Variants in RNLS observed in about 807,000 individuals in gnomAD.
The protein encoded by RNLS is renalase.
Under a neutral mutation model 39.8 loss-of-function variants are expected in RNLS, and 39 were observed. The ratio of observed to expected loss-of-function variants is 0.98; its 90% CI spans 0.76 to 1.28. The LOEUF is 1.28. Ranked by LOEUF, RNLS falls within the 50% of genes most tolerant of loss-of-function variation. The probability of loss-of-function intolerance (pLI) is 0.00; values close to 1 mark genes in which losing one functional copy is unlikely to be tolerated. For synonymous variants in RNLS, 147 were observed against 150.7 expected (o/e 0.98, Z 0.18); for missense variants, 410 against 413.3 (o/e 0.99, Z 0.07).
Position 88,285,121 on chromosome 10 carries a change from C to A in RNLS, c.*233G>T. 9.7e-7 allele frequency: 1 copy of A among 1,034,746 alleles called. No individual in the cohort carries two copies. The allele number at this position is 1,034,746 out of a possible 1,614,324, so 64.1% of individuals were successfully genotyped here. A position where few individuals can be genotyped will look rare whatever the true frequency, so the allele number is the denominator to read the frequency against. ...CACTTTTCCTCCAACAAGGAGTAGT[C>A]ATAGCAATTCAGAAAAGTAGGGAAG... On this transcript the variant is annotated 3_prime_UTR_variant, in exon 7 of 7. Transcript: ENST00000331772.
chr10:88,330,750 G>GCAA (rs1320317211), intron 5 of RNLS, among the ~76,000 whole-genome samples: 2 of 151,940 alleles, frequency 1.3e-5, no homozygotes, highest in Admixed American at 1.3e-4. Context: ...AATTAATTAT[G>GCAA]CAACATCCTT....
At chr10:88,297,155 C>T (rs1844150815) in intron 6 of RNLS, among the ~76,000 whole-genome samples, 1 of 152,116 alleles carries the variant, frequency 6.6e-6, no homozygotes, top group African/African-American at 2.4e-5. Context: ...TTGGGTAAAT[C>T]TCTAAGAGTG....
intron 6 of RNLS, among the ~76,000 whole-genome samples, chr10:88,303,937 C>A (rs1168925349): frequency 6.6e-6 from 1 of 152,190 alleles, no homozygotes; most frequent in Admixed American, 6.5e-5. Context: ...AGGCAAGCAC[C>A]CTGGCATCTG....
At chr10:88,409,425 A>G (rs1439831150) in intron 4 of RNLS, among the ~76,000 whole-genome samples, 4 of 152,146 alleles carry the variant, frequency 2.6e-5, no homozygotes, top group East Asian at 1.9e-4. Context: ...TATCACATAT[A>G]TGAATCATTA....
At chr10:88,204,991 G>A in the RNLS span, among the ~76,000 whole-genome samples, 2 of 152,134 alleles carry the variant, frequency 1.3e-5, no homozygotes, top group Admixed American at 6.6e-5. Context: ...TATCCAGTGC[G>A]GTAAGAAGAG....
chr10:88,521,091 C>T (rs1056356703), intron 4 of RNLS, among the ~76,000 whole-genome samples: 5 of 151,902 alleles, frequency 3.3e-5, no homozygotes, highest in South Asian at 2.1e-4. Flanking sequence ...ATCTATTTAC[C>T]TTGTCCCAAC....
intron 4 of RNLS, among the ~76,000 whole-genome samples, chr10:88,464,098 A>G (rs887514039): frequency 6.6e-6 from 1 of 152,052 alleles, no homozygotes; most frequent in Non-Finnish European, 1.5e-5. Context: ...CTTAATTTTC[A>G]AATAGCTATT....
the RNLS span, among the ~76,000 whole-genome samples, chr10:88,240,627 C>T: frequency 6.6e-6 from 1 of 152,096 alleles, no homozygotes; most frequent in South Asian, 2.1e-4. Context: ...CACATCCAAT[C>T]AATCACCAGC....
At chr10:88,497,831 G>A (rs1403404675) in intron 4 of RNLS, among the ~76,000 whole-genome samples, 2 of 151,900 alleles carry the variant, frequency 1.3e-5, no homozygotes, top group Admixed American at 1.3e-4. Flanking sequence ...AACAACACCT[G>A]GTCTCTGAAT....
chr10:88,324,166 G>A (rs1846391847), intron 5 of RNLS, among the ~76,000 whole-genome samples: 1 of 151,882 alleles, frequency 6.6e-6, no homozygotes, highest in African/African-American at 2.4e-5. Flanking sequence ...TACGGAAAAC[G>A]GTATGGAGAT....
the RNLS span, among the ~76,000 whole-genome samples, chr10:88,254,061 T>G: frequency 6.6e-6 from 1 of 152,262 alleles, no homozygotes; most frequent in African/African-American, 2.4e-5. Flanking sequence ...ATATGCAATA[T>G]GTGGGACTTT....
chr10:88,351,407 T>C (rs953632341), intron 5 of RNLS, among the ~76,000 whole-genome samples: 14 of 152,236 alleles, frequency 9.2e-5, no homozygotes, highest in Non-Finnish European at 1.6e-4. Context: ...AATTTTTGTG[T>C]ACGGTGTAAG....
the RNLS span, among the ~76,000 whole-genome samples, chr10:88,266,127 CT>C: frequency 6.9e-6 from 1 of 145,510 alleles, no homozygotes; most frequent in African/African-American, 2.8e-5. Flanking sequence ...ATTCTGAGTG[CT>C]TTTTTACCAG....
chr10:88,365,691 T>C (rs1850033663), intron 4 of RNLS, among the ~76,000 whole-genome samples: 1 of 152,046 alleles, frequency 6.6e-6, no homozygotes, highest in Admixed American at 6.6e-5. Flanking sequence ...CATACTTTCA[T>C]TAATGAGGAA....
intron 4 of RNLS, among the ~76,000 whole-genome samples, chr10:88,542,490 C>CT (rs1848099273): frequency 6.6e-6 from 1 of 152,198 alleles, no homozygotes; most frequent in Non-Finnish European, 1.5e-5. Flanking sequence ...AATGGGCAGC[C>CT]ATACTTGGTG....
intron 4 of RNLS, among the ~76,000 whole-genome samples, chr10:88,447,451 G>A (rs908411939): frequency 1.4e-4 from 22 of 152,100 alleles, no homozygotes; most frequent in African/African-American, 5.1e-4. Flanking sequence ...CATCTTACAA[G>A]GGCTGTGAAG....
chr10:88,460,197 C>T (rs1268793613), intron 4 of RNLS, among the ~76,000 whole-genome samples: 4 of 152,140 alleles, frequency 2.6e-5, no homozygotes, highest in Admixed American at 1.3e-4. Context: ...TAAAACATCC[C>T]TCCATAAAAT....
the RNLS span, among the ~76,000 whole-genome samples, chr10:88,233,157 G>A: frequency 4.6e-5 from 7 of 152,194 alleles, no homozygotes; most frequent in Non-Finnish European, 8.8e-5. Flanking sequence ...TGGCAGGCCG[G>A]ACTGGACTGC....
chr10:88,226,119 G>A, the RNLS span, among the ~76,000 whole-genome samples: 1 of 152,124 alleles, frequency 6.6e-6, no homozygotes, highest in East Asian at 1.9e-4. Context: ...CTCCTCTGAG[G>A]CATTGCTTAA....
Sources: allele counts gnomAD v4.1 joint callset (sites outside exome capture counted in the v4.1 genomes callset), GRCh38; gene constraint gnomAD v4.1.1; transcripts MANE v1.5; gene names NCBI Gene and HGNC (gene_info 2026-07-23, HGNC 2026-07-21).